SDK2: variants seen among roughly 807,000 people sequenced by gnomAD.
SDK2 encodes protein sidekick-2.
A neutral mutation model predicts 253.9 loss-of-function variants in SDK2; 105 were observed. That is an observed-to-expected ratio of 0.41 (90% CI 0.35 to 0.49). SDK2 has a LOEUF of 0.49. Among genes scored for constraint, SDK2 ranks in the 20% least tolerant of loss-of-function variants. The pLI, the probability that SDK2 is intolerant of heterozygous loss-of-function variation, is 0.06. For synonymous variants in SDK2, 1,249 were observed against 1,234.9 expected (o/e 1.01, Z -0.24); for missense variants, 2,608 against 3,003.0 (o/e 0.87, Z 3.07).
intron 2 of SDK2, among the ~76,000 whole-genome samples, chr17:73,500,583 C>A (rs2063882508): frequency 6.8e-6 from 1 of 147,976 alleles, no homozygotes. Context: ...CTGTTCTCCT[C>A]CATCCTCTGT....
At chr17:73,385,682 T>C (rs2062866065) in intron 32 of SDK2, among the ~76,000 whole-genome samples, 165 bp downstream of exon 32, 1 of 152,132 alleles carries the variant, frequency 6.6e-6, no homozygotes, top group Admixed American at 6.5e-5. Flanking sequence ...GTGTATAGAA[T>C]GTTCTGTGAC....
At chr17:73,422,568 G>A in intron 14 of SDK2, 134 bp from the exon 15 acceptor site, 1 of 973,234 alleles carries the variant, frequency 1.0e-6, no homozygotes, top group South Asian at 1.6e-5. Flanking sequence ...GTGCAGGAGT[G>A]GCCCGCCATG....
chr17:73,442,829 A>G (rs1388108908), intron 5 of SDK2, among the ~76,000 whole-genome samples: 5 of 151,804 alleles, frequency 3.3e-5, no homozygotes, highest in Non-Finnish European at 5.9e-5. Context: ...GAAAAAAAAA[A>G]AGAGAGAGAA....
At chr17:73,409,565 G>C (rs1380181959) in intron 18 of SDK2, among the ~76,000 whole-genome samples, 1 of 152,124 alleles carries the variant, frequency 6.6e-6, no homozygotes, top group East Asian at 1.9e-4. Context: ...GGGAGGCAGA[G>C]GTTGCGGTGA....
chr17:73,414,530 G>A, intron 18 of SDK2, 114 bp downstream of exon 18: 3 of 778,446 alleles, frequency 3.9e-6, no homozygotes, highest in Non-Finnish European at 6.5e-6. Context: ...CTTGACTCGA[G>A]CCAATGACTT....
rs369756648 is a variant in SDK2 at position 73,375,093 on chromosome 17, C to T, written c.4980+4084G>A. Among the ~76,000 whole-genome samples the T allele has an allele frequency of 1.2e-4, 18 of 152,208 alleles. No homozygotes were observed. The South Asian group carries it at 2.3e-3, about 19-fold the overall frequency. ...CACTCTGGGGACACACAAGGCTCTC[C>T]GTATACCCCAAGTACCTGTCTACCC... On this transcript the variant is annotated intron_variant, in intron 36 of 44. Coordinates refer to ENST00000392650, the MANE Select transcript of SDK2 (RefSeq NM_001144952.2).
At chr17:73,368,384 C>T in intron 37 of SDK2, 23 bp downstream of exon 37, 1 of 1,472,864 alleles carries the variant, frequency 6.8e-7, no homozygotes, top group Non-Finnish European at 9.0e-7. Context: ...TACCCCTCCC[C>T]TCCTCAGGGC....
chr17:73,371,556 C>A (rs1050057264), intron 36 of SDK2, among the ~76,000 whole-genome samples: 1 of 151,944 alleles, frequency 6.6e-6, no homozygotes, highest in Non-Finnish European at 1.5e-5. Context: ...CTATTTGGAG[C>A]GAGTTCAAGG....
chr17:73,443,305 T>G lies in SDK2; in HGVS notation c.614-2382A>C, dbSNP rs2040965332. 6.6e-6 allele frequency among the ~76,000 whole-genome samples: 1 copy of G among 152,220 alleles called. No individual in the cohort carries two copies. Among genetic ancestry groups the G allele is most frequent in the Non-Finnish European group, 1.5e-5 (1 of 68,028 alleles). On this transcript the variant is annotated intron_variant, in intron 5 of 44. Coordinates refer to ENST00000392650, the MANE Select transcript of SDK2 (RefSeq NM_001144952.2). This position sits in a 1 kb window ranked among gnomAD's most constrained non-coding sequence, Gnocchi z 4.6. ...TGAAGGGGGAAAGAAAGGAAGCATA[T>G]AAAGCAAAATAATTGCAACAATATA...
intron 44 of SDK2, among the ~76,000 whole-genome samples, chr17:73,347,307 T>C (rs1322409121): frequency 3.3e-5 from 5 of 152,100 alleles, no homozygotes; most frequent in Admixed American, 3.3e-4. Context: ...TCTCAGTAAG[T>C]GGAGATTGCG....
intron 5 of SDK2, among the ~76,000 whole-genome samples, chr17:73,444,680 C>T (rs2063439498): frequency 6.6e-6 from 1 of 152,196 alleles, no homozygotes; most frequent in Non-Finnish European, 1.5e-5. Context: ...CCCACCTGTG[C>T]CACCTCATTT....
rs1599528350 is a variant in SDK2, at chr17:73,401,872, A to G, written c.2680+74T>C. On this transcript the variant is annotated intron_variant, in intron 19 of 44. Coordinates refer to ENST00000392650, the MANE Select transcript of SDK2 (RefSeq NM_001144952.2). ...TCAGCCTGGGAGACAAGCCTGGGCC[A>G]CCCTTCTGCCTGGGGCGCCCAGCCT... is the stretch of plus-strand genomic sequence containing the variant. 3.6e-6 allele frequency: 5 copies of G among 1,391,472 alleles called. No homozygotes were observed. In the Admixed American group the frequency reaches 1.0e-4, roughly 28 times the overall value. The allele number at this position is 1,391,472 out of a possible 1,614,324, so 86.2% of individuals were successfully genotyped here.
intron 1 of SDK2, among the ~76,000 whole-genome samples, chr17:73,594,490 G>GGA (rs147763934): frequency 3.1e-4 from 47 of 151,518 alleles, no homozygotes; most frequent in Middle Eastern, 3.5e-3. Context: ...AGAGGGAGGG[G>GGA]GAGAGAGAGA....
intron 1 of SDK2, among the ~76,000 whole-genome samples, chr17:73,528,437 T>C (rs972509793): frequency 6.6e-6 from 1 of 152,186 alleles, no homozygotes; most frequent in African/African-American, 2.4e-5. Context: ...CCAAGGTCAC[T>C]ACCACTTCTC....
intron 18 of SDK2, among the ~76,000 whole-genome samples, chr17:73,409,215 T>A (rs1291204489): frequency 6.6e-6 from 1 of 152,154 alleles, no homozygotes; most frequent in Non-Finnish European, 1.5e-5. Flanking sequence ...GTGTGGTGGC[T>A]CACGCCTATA....
Position 73,612,864 on chromosome 17 carries a change from C to T in SDK2, c.64+31161G>A, listed in dbSNP as rs143035659. The stretch of plus-strand genomic sequence containing the variant: ...CCCAGGAGGCAGAAGTTGCAGTGAG[C>T]CAAGATCGCGCCATTGCACTCCAGC... On this transcript the variant is annotated intron_variant, in intron 1 of 44. Coordinates refer to ENST00000392650, the MANE Select transcript of SDK2 (RefSeq NM_001144952.2). The surrounding 1 kb of genome is among the most constrained non-coding windows in gnomAD (Gnocchi z 4.4). Among the ~76,000 whole-genome samples, 1,776 of 152,248 alleles carry T rather than the reference C, an allele frequency of 0.012. 25 individuals are homozygous for T. Among genetic ancestry groups the T allele is most frequent in the Middle Eastern group, 0.024 (7 of 294 alleles).
chr17:73,432,294 C>T lies in SDK2; in HGVS notation c.1313-625G>A, dbSNP rs2063331900. On this transcript the variant is annotated intron_variant, in intron 10 of 44. Coordinates refer to ENST00000392650, the MANE Select transcript of SDK2 (RefSeq NM_001144952.2). ...GGGAGAAAGAGAGAGTGCAAGTGCACCTGCAGGAGTGAGCCTGGGAATGCA... is the reference window on the plus strand; with the variant it reads ...GGGAGAAAGAGAGAGTGCAAGTGCATCTGCAGGAGTGAGCCTGGGAATGCA... Among the ~76,000 whole-genome samples the T allele has an allele frequency of 2.0e-5, 3 of 152,078 alleles. No homozygotes were observed. The South Asian group carries it at 6.2e-4, about 32-fold the overall frequency.
At chr17:73,543,307 A>C (rs12946556) in intron 1 of SDK2, among the ~76,000 whole-genome samples, 4,771 of 152,154 alleles carry the variant, frequency 0.031, 112 homozygotes, top group Non-Finnish European at 0.049. Context: ...GCACCCTCGC[A>C]GGTGTGGTGT....
At chr17:73,346,969 G>A (rs985889848) in intron 44 of SDK2, among the ~76,000 whole-genome samples, 4 of 152,178 alleles carry the variant, frequency 2.6e-5, no homozygotes, top group Non-Finnish European at 5.9e-5. Flanking sequence ...CTTGAAGGTC[G>A]CAATGGTGGG....
Sources: allele counts gnomAD v4.1 joint callset (sites outside exome capture counted in the v4.1 genomes callset), GRCh38; gene constraint gnomAD v4.1.1; non-coding constraint Gnocchi (gnomAD v3.1); transcripts MANE v1.5; gene names NCBI Gene and HGNC (gene_info 2026-07-23, HGNC 2026-07-21).